GPSM1: variants seen among roughly 807,000 people sequenced by gnomAD.
GPSM1 encodes the protein G protein-signaling modulator 1.
A neutral mutation model predicts 70.5 loss-of-function variants in GPSM1; 48 were observed. The ratio of observed to expected loss-of-function variants is 0.68; its 90% confidence interval spans 0.54 to 0.87. GPSM1 has a LOEUF of 0.87. GPSM1 is among the 40% of genes least tolerant of loss of function. The probability of loss-of-function intolerance (pLI) is 0.00; values close to 1 mark genes in which losing one functional copy is unlikely to be tolerated. For missense variants in GPSM1, 981 were observed against 972.6 expected (o/e 1.01, Z -0.11); for synonymous variants, 416 against 430.1 (o/e 0.97, Z 0.41).
At chr9:136,335,337 TCCCCGCCG>T (rs1832206651) in intron 2 of GPSM1, among the ~76,000 whole-genome samples, 1 of 151,778 alleles carries the variant, frequency 6.6e-6, no homozygotes, top group Admixed American at 6.6e-5. Flanking sequence ...CCCAACCTAC[TCCCCGCCG>T]CCCCTTGGGG....
At chr9:136,336,182 ACT>A in intron 3 of GPSM1, 81 bp downstream of exon 3, 1 of 1,455,642 alleles carries the variant, frequency 6.9e-7, no homozygotes, top group Non-Finnish European at 9.3e-7. Flanking sequence ...CGGGCGGGTG[ACT>A]CACCACTCAT....
rs782657240 is a variant in GPSM1 at position 136,337,916 on chromosome 9, C to G, written c.773C>G (p.Ala258Gly). The change falls in exon 6 of 14, where the codon GCC becomes GGC. Residue 258 changes from alanine to glycine, a missense_variant. By Grantham distance (60) the Ala-to-Gly change is moderately conservative. Coordinates refer to ENST00000440944, the MANE Select transcript of GPSM1 (RefSeq NM_001145638.3). ...AGGGCCTACAGCAACCTGGGGAACG[C>G]CCACGTCTTCCTGGGGCGCTTTGAC... is the stretch of plus-strand genomic sequence containing the variant. The part of the protein sequence containing the change: ...ERRAYSNLGN[A>G]HVFLGRFDVA... 4 of 1,612,588 alleles carry G rather than the reference C, an allele frequency of 2.5e-6. No homozygotes were observed. The Admixed American group carries it at 5.0e-5, about 20-fold the overall frequency.
chr9:136,358,170 G>T lies in GPSM1; in HGVS notation c.1978G>T (p.Ala660Ser). ...CCTCGCCGGGGGCCCGGAGCAGGGGGCAGGCGGCCCGCCCGAGCCCCAGCA... is the reference window on the plus strand; with the variant it reads ...CCTCGCCGGGGGCCCGGAGCAGGGGTCAGGCGGCCCGCCCGAGCCCCAGCA... ...VDLAGGPEQG[A>S]GGPPEPQQQC... The change falls in exon 14 of 14, where the codon GCA becomes TCA. Residue 660 changes from alanine (A) to serine (S), a missense_variant. Coordinates refer to ENST00000440944, the MANE Select transcript of GPSM1 (RefSeq NM_001145638.3). 6.3e-7 allele frequency: 1 copy of T among 1,585,020 alleles called. No homozygotes were observed. Among genetic ancestry groups the T allele is most frequent in the Non-Finnish European group, 8.6e-7 (1 of 1,167,494 alleles).
At chr9:136,348,251 G>A (rs1421515117) in intron 9 of GPSM1, among the ~76,000 whole-genome samples, 3 of 152,186 alleles carry the variant, frequency 2.0e-5, no homozygotes, top group Non-Finnish European at 4.4e-5. Context: ...GCTGGGAGTG[G>A]ACCCACAGGC....
intron 1 of GPSM1, among the ~76,000 whole-genome samples, chr9:136,328,381 C>G (rs565220259): frequency 6.6e-6 from 1 of 152,112 alleles, no homozygotes; most frequent in African/African-American, 2.4e-5. Flanking sequence ...TGGGCCCAGC[C>G]GGGCAGGTGC....
At chr9:136,331,198 C>T (rs186976353) in intron 1 of GPSM1, among the ~76,000 whole-genome samples, 7 of 152,284 alleles carry the variant, frequency 4.6e-5, no homozygotes, top group East Asian at 3.9e-4. Context: ...GCTAGGGGAA[C>T]GTGGTCCATG....
In GPSM1 at chr9:136,349,644, C is replaced by T. The variant is rs1554771751; in HGVS notation, c.1336C>T (p.Leu446=). The change falls in exon 11 of 14, where the codon CTA becomes TTA. Residue 446 remains leucine, a synonymous_variant. Transcript: ENST00000440944. ...GDWRGPSRDS[L]PLPVRSRKYQ... is the part of the protein sequence containing the mutation. Reference sequence around the variant, plus strand: ...CTGGCGGGGGCCCAGCAGGGACTCGCTACCCCTCCCCGTGAGGAGCAGGAA... The same window carrying T: ...CTGGCGGGGGCCCAGCAGGGACTCGTTACCCCTCCCCGTGAGGAGCAGGAA... The T allele has an allele frequency of 3.9e-6, 6 of 1,550,112 alleles. No homozygotes were observed. The highest frequency in any genetic ancestry group is 4.4e-6 in the Non-Finnish European group (5 of 1,146,794).
intron 11 of GPSM1, among the ~76,000 whole-genome samples, chr9:136,352,853 AG>A (rs1832708798): frequency 1.3e-5 from 2 of 151,982 alleles, no homozygotes; most frequent in Admixed American, 6.5e-5. Flanking sequence ...GGGGAGGGGG[AG>A]GTTCACTGCT....
chr9:136,358,406 G>A lies in GPSM1; in HGVS notation c.*186G>A, dbSNP rs978864679. On this transcript the variant is annotated 3_prime_UTR_variant, in exon 14 of 14. Coordinates refer to ENST00000440944, the MANE Select transcript of GPSM1 (RefSeq NM_001145638.3). ...TGGTGGGAGGGCGTGCTTCCATCCCGGGCTGGCCCCCATGGCCCTCAGCTT... is the reference window on the plus strand; with the variant it reads ...TGGTGGGAGGGCGTGCTTCCATCCCAGGCTGGCCCCCATGGCCCTCAGCTT... The A allele has an allele frequency of 1.5e-4, 92 of 611,478 alleles. 1 individual carries two copies. The East Asian group carries it at 2.2e-3, about 15-fold the overall frequency. The allele number at this position is 611,478 out of a possible 1,614,324, so 37.9% of individuals were successfully genotyped here.
chr9:136,337,009 A>G lies in GPSM1; in HGVS notation c.515A>G (p.Gln172Arg). The G allele has an allele frequency of 6.4e-7, 1 of 1,552,736 alleles. No individual in the cohort carries two copies. The highest frequency in any genetic ancestry group is 1.2e-5 in the South Asian group (1 of 84,160). ...TCCTGGAACGCCGCAAACGCCACGC[A>G]GGACCCCGGGCACCTGCCGCCCGAT... ...QLSWNAANAT[Q>R]DPGHLPPDVR... The change falls in exon 4 of 14, where the codon CAG becomes CGG. Residue 172 changes from glutamine (Q) to arginine (R), a missense_variant. Physicochemically the swap from Gln to Arg is conservative, Grantham distance 43 (BLOSUM62 1). Transcript: ENST00000440944.
In GPSM1 at chr9:136,356,294, G is replaced by A. The variant is rs529863093; in HGVS notation, c.1613-48G>A. On this transcript the variant is annotated intron_variant, in intron 12 of 13. Coordinates refer to ENST00000440944, the MANE Select transcript of GPSM1 (RefSeq NM_001145638.3). ...ACTGTGGCCGCAGCCCGAGCCTCGG[G>A]CTTGACCCCGCACTGGGTCCCAGGT... The A allele has an allele frequency of 3.5e-5, 49 of 1,390,868 alleles. No individual in the cohort carries two copies. The East Asian group carries it at 1.2e-3, about 35-fold the overall frequency. 86.2% of individuals were successfully genotyped at this position (1,390,868 alleles called of 1,614,324 possible).
rs1359505296 is a variant in GPSM1, at chr9:136,338,673, C to T, written c.937C>T (p.Leu313=). The T allele has an allele frequency of 1.3e-6, 2 of 1,570,482 alleles. No homozygotes were observed. Among genetic ancestry groups the T allele is most frequent in the East Asian group, 2.3e-5 (1 of 42,966 alleles). ...QDYERAAEYH[L]RHLLIAQELA... is the part of the protein sequence containing the mutation. The stretch of plus-strand genomic sequence containing the variant: ...CTACGAGCGCGCGGCCGAGTACCAC[C>T]TGCGGCACCTGCTCATTGCCCAGGA... Residue 313 remains leucine (L), a synonymous_variant, in exon 7 of 14, where the codon CTG becomes TTG. Coordinates refer to ENST00000440944, the MANE Select transcript of GPSM1 (RefSeq NM_001145638.3).
At chr9:136,345,137 C>T (rs976949858) in intron 9 of GPSM1, among the ~76,000 whole-genome samples, 3 of 152,176 alleles carry the variant, frequency 2.0e-5, no homozygotes, top group Admixed American at 1.3e-4. Flanking sequence ...GCCGGCGGGG[C>T]GGGTGCTGCC....
intron 1 of GPSM1, among the ~76,000 whole-genome samples, chr9:136,329,476 C>CT (rs1223522048): frequency 1.3e-5 from 2 of 152,216 alleles, no homozygotes; most frequent in Non-Finnish European, 2.9e-5. Flanking sequence ...GAAAAGTCTC[C>CT]TGTCTCCTGA....
chr9:136,335,418 C>T (rs1184610804), intron 2 of GPSM1, among the ~76,000 whole-genome samples: 1 of 152,146 alleles, frequency 6.6e-6, no homozygotes, highest in African/African-American at 2.4e-5. Context: ...GCTTCCCTTG[C>T]CTCAGCCCTG....
At chr9:136,328,040 TG>T (rs1218759115) in intron 1 of GPSM1, among the ~76,000 whole-genome samples, 1 of 152,086 alleles carries the variant, frequency 6.6e-6, no homozygotes, top group African/African-American at 2.4e-5. Flanking sequence ...CCCTGGCACC[TG>T]GCAGGGGCAC....
intron 9 of GPSM1, among the ~76,000 whole-genome samples, chr9:136,346,883 C>T (rs1443366260): frequency 6.6e-6 from 1 of 152,202 alleles, no homozygotes; most frequent in African/African-American, 2.4e-5. Flanking sequence ...TGAGCCGGCT[C>T]TCTCCCTCTG....
At chr9:136,334,405 C>T (rs879975530) in intron 1 of GPSM1, 42 bp from the exon 2 acceptor site, 38 of 1,538,876 alleles carry the variant, frequency 2.5e-5, no homozygotes, top group Non-Finnish European at 3.2e-5. Flanking sequence ...CCCGGGGCGA[C>T]TTTGCCAGGG....
chr9:136,348,384 C>T lies in GPSM1; in HGVS notation c.1208-313C>T, dbSNP rs959809310. ...CAGGCAGAGGGAACAGCAGGACTGA[C>T]GGGGGAGGCCCTGTGTGCGGCAGGG... is the stretch of plus-strand genomic sequence containing the variant. On this transcript the variant is annotated intron_variant, in intron 9 of 13. Coordinates refer to ENST00000440944, the MANE Select transcript of GPSM1 (RefSeq NM_001145638.3). 2.0e-5 allele frequency among the ~76,000 whole-genome samples: 3 copies of T among 152,188 alleles called. No individual in the cohort carries two copies. In the East Asian group the frequency reaches 5.8e-4, roughly 29 times the overall value.
Sources: allele counts gnomAD v4.1 joint callset (sites outside exome capture counted in the v4.1 genomes callset), GRCh38; gene constraint gnomAD v4.1.1; transcripts MANE v1.5; gene names NCBI Gene and HGNC (gene_info 2026-07-23, HGNC 2026-07-21).